RIOX2: variants seen among roughly 807,000 people sequenced by gnomAD.
RIOX2 encodes the protein ribosomal oxygenase 2, also known as 60S ribosomal protein L27a histidine hydroxylase.
In RIOX2, 43 loss-of-function variants were observed where a neutral mutation model predicts 51.2. The ratio of observed to expected loss-of-function variants is 0.84; its 90% CI spans 0.66 to 1.08. The LOEUF is 1.08. Among genes scored for constraint, RIOX2 ranks in the 50% least tolerant of loss-of-function variants. The pLI is 0.00. For missense variants in RIOX2, 566 were observed against 561.7 expected (o/e 1.01, Z -0.08); for synonymous variants, 226 against 218.5 (o/e 1.03, Z -0.30).
At position 97,959,131 on chromosome 3, in the gene RIOX2, G is replaced by A; in HGVS notation, c.601C>T (p.Pro201Ser). The A allele has an allele frequency of 1.9e-6, 3 of 1,614,012 alleles. No homozygotes were observed. Among genetic ancestry groups the A allele is most frequent in the South Asian group, 1.1e-5 (1 of 91,042 alleles). Residue 201 changes from proline to serine, a missense_variant, in exon 4 of 10, where the codon CCC becomes TCC. Coordinates refer to ENST00000394198, the MANE Select transcript of RIOX2 (RefSeq NM_153182.4). The part of the protein sequence containing the change: ...EGEKHWRLYH[P>S]TVPLAREYSV... Reference sequence around the variant, plus strand: ...TACTCTCGTGCCAGGGGCACAGTGGGGTGGTAGAGGCGCCAGTGTTTCTCT... The same window carrying A: ...TACTCTCGTGCCAGGGGCACAGTGGAGTGGTAGAGGCGCCAGTGTTTCTCT...
intron 4 of RIOX2, among the ~76,000 whole-genome samples, chr3:97,957,064 T>C (rs959530675): frequency 6.6e-6 from 1 of 152,070 alleles, no homozygotes; most frequent in Non-Finnish European, 1.5e-5. Context: ...GCCACTAGCA[T>C]AGGGGAAAGA....
chr3:97,953,247 T>C (rs1301000110), intron 5 of RIOX2, among the ~76,000 whole-genome samples: 1 of 152,212 alleles, frequency 6.6e-6, no homozygotes, highest in East Asian at 1.9e-4. Flanking sequence ...ATAGAATTTA[T>C]CACACCATCT....
At position 97,942,347 on chromosome 3, in the gene RIOX2, T is replaced by C; in HGVS notation, c.*2837A>G. On this transcript the variant is annotated 3_prime_UTR_variant, in exon 10 of 10. Transcript: ENST00000394198. ...CACACCTGGAGCTAAAGTAGCTCTATGGACTGAACATGGGCAATTCAGGCA... is the reference window on the plus strand; with the variant it reads ...CACACCTGGAGCTAAAGTAGCTCTACGGACTGAACATGGGCAATTCAGGCA... The C allele has an allele frequency of 6.2e-7, 1 of 1,611,988 alleles. No individual in the cohort carries two copies. Among genetic ancestry groups the C allele is most frequent in the South Asian group, 1.1e-5 (1 of 90,920 alleles).
chr3:97,945,221 A>T lies in RIOX2; in HGVS notation c.1361T>A (p.Leu454Ter). 1 of 1,612,468 alleles carries T rather than the reference A, an allele frequency of 6.2e-7. No homozygotes were observed. Among genetic ancestry groups the T allele is most frequent in the Non-Finnish European group, 8.5e-7 (1 of 1,178,876 alleles). The change falls in exon 10 of 10, where the codon TTA (leucine) becomes TAA (stop). Residue 454 changes from leucine (L) to a stop codon, truncating the protein, a stop_gained. Transcript: ENST00000394198. LOFTEE classifies it high-confidence loss of function. ...AATTAAACATTCTGTCCAGAGGGAT[A>T]ATACCAGGCTTTCCTTTTCCTCATC... ...TTDEEKESLV[L>*]SLWTECLIQV...
chr3:97,945,634 G>A (rs2040336851), intron 9 of RIOX2, 164 bp downstream of exon 9: 1 of 634,082 alleles, frequency 1.6e-6, no homozygotes, highest in African/African-American at 1.8e-5. Flanking sequence ...TCACAGAAAT[G>A]TCTGACTTAA....
In RIOX2 at chr3:97,972,408, G is replaced by C. The variant is rs1282047696; in HGVS notation, c.-67C>G. The C allele has an allele frequency of 4.6e-5, 7 of 150,978 alleles. No homozygotes were observed. The highest frequency in any genetic ancestry group is 1.7e-4 in the African/African-American group (7 of 41,216). 9.4% of individuals were successfully genotyped at this position (150,978 alleles called of 1,614,324 possible). On this transcript the variant is annotated 5_prime_UTR_variant, in exon 1 of 10. Coordinates refer to ENST00000394198, the MANE Select transcript of RIOX2 (RefSeq NM_153182.4). Reference sequence around the variant, plus strand: ...GGCACGGCCTGTTGCTCGCGGCCGCGAGCCCACTGCGTTGCGGCGCAGCGG... The same window carrying C: ...GGCACGGCCTGTTGCTCGCGGCCGCCAGCCCACTGCGTTGCGGCGCAGCGG...
Position 97,943,363 on chromosome 3 carries a change from C to G in RIOX2, c.*1821G>C, listed in dbSNP as rs571150352. ...TCCCTAGAAAGAGCAAAGAAGGAAACACATCTGTCATTGTCTTGTGGACGT... is the reference window on the plus strand; with the variant it reads ...TCCCTAGAAAGAGCAAAGAAGGAAAGACATCTGTCATTGTCTTGTGGACGT... On this transcript the variant is annotated 3_prime_UTR_variant, in exon 10 of 10. Transcript: ENST00000394198. 9.5e-7 allele frequency: 1 copy of G among 1,047,218 alleles called. No homozygotes were observed. Among genetic ancestry groups the G allele is most frequent in the African/African-American group, 1.6e-5 (1 of 63,078 alleles). 64.9% of individuals were successfully genotyped at this position (1,047,218 alleles called of 1,614,324 possible).
At chr3:97,951,108 G>A in intron 5 of RIOX2, 1 of 470,126 alleles carries the variant, frequency 2.1e-6, no homozygotes. Flanking sequence ...ACACTCACTT[G>A]CAAAGTTAAA....
Position 97,967,340 on chromosome 3 carries a change from T to A in RIOX2, c.254A>T (p.Asp85Val), listed in dbSNP as rs1466789779. ...CCCCCGGCTGCACAGACTCTTCAGA[T>A]CTGTTAGCTTGAACAGGGACCCATA... ...TYYGSLFKLT[D>V]LKSLCSRGMY... Residue 85 changes from aspartate (D) to valine (V), a missense_variant, in exon 2 of 10, where the codon GAT (aspartate) becomes GTT (valine). Asp to Val is a radical substitution (Grantham distance 152). Transcript: ENST00000394198. 1 of 1,614,072 alleles carries A rather than the reference T, an allele frequency of 6.2e-7. No individual in the cohort carries two copies. The highest frequency in any genetic ancestry group is 1.3e-5 in the African/African-American group (1 of 74,918).
chr3:97,945,372 T>C, intron 9 of RIOX2, 30 bp from the exon 10 acceptor site: 8 of 1,584,386 alleles, frequency 5.0e-6, no homozygotes, highest in Non-Finnish European at 6.9e-6. Flanking sequence ...TGTCAAAATA[T>C]ATGTATACTA....
At position 97,942,152 on chromosome 3, in the gene RIOX2, TATAGTATTTTTTTAG is replaced by T; in HGVS notation, c.*3017_*3031del. 1.5e-6 allele frequency: 1 copy of T among 664,898 alleles called. No individual in the cohort carries two copies. Among genetic ancestry groups the T allele is most frequent in the Non-Finnish European group, 2.4e-6 (1 of 424,880 alleles). The allele number at this position is 664,898 out of a possible 1,614,324, so 41.2% of individuals were successfully genotyped here. On this transcript the variant is annotated 3_prime_UTR_variant, in exon 10 of 10. Coordinates refer to ENST00000394198, the MANE Select transcript of RIOX2 (RefSeq NM_153182.4). The stretch of plus-strand genomic sequence containing the variant: ...AAAAAGGCTTACTGAAATTATACTA[TATAGTATTTTTTTAG>T]ATAAGACACACACACACTTCATGTC...
Position 97,961,692 on chromosome 3 carries a change from A to G in RIOX2, c.449T>C (p.Ile150Thr), listed in dbSNP as rs377296377. 24 of 1,610,550 alleles carry G rather than the reference A, an allele frequency of 1.5e-5. No homozygotes were observed. Among genetic ancestry groups the G allele is most frequent in the Non-Finnish European group, 2.0e-5 (23 of 1,179,052 alleles). ...PQRFKDELWR[I>T]QEKLECYFGS... ...AAAGTAACATTCCAGCTTCTCCTGG[A>G]TCCTCCAAAGCTCATCCTTTACAAA... The change falls in exon 3 of 10, where the codon ATC (isoleucine) becomes ACC (threonine). Residue 150 changes from isoleucine (I) to threonine (T), a missense_variant. Ile to Thr is a moderately conservative substitution (Grantham distance 89). Transcript: ENST00000394198.
At chr3:97,969,768 T>C (rs1347998213) in intron 1 of RIOX2, among the ~76,000 whole-genome samples, 1 of 152,222 alleles carries the variant, frequency 6.6e-6, no homozygotes, top group Admixed American at 6.5e-5. Context: ...ACAGCCAGTG[T>C]GACCGCTCGA....
intron 1 of RIOX2, among the ~76,000 whole-genome samples, chr3:97,971,368 C>G (rs753389205): frequency 1.3e-5 from 2 of 152,140 alleles, no homozygotes; most frequent in African/African-American, 4.8e-5. Flanking sequence ...AATTTTAGGT[C>G]CACTAATGGA....
chr3:97,968,327 T>A (rs951569535), intron 1 of RIOX2, among the ~76,000 whole-genome samples: 35 of 152,172 alleles, frequency 2.3e-4, no homozygotes, highest in African/African-American at 8.0e-4. Flanking sequence ...GGCTGAAAAG[T>A]GAAGGCTAAA....
intron 1 of RIOX2, chr3:97,971,686 G>C (rs1202134571): frequency 6.6e-6 from 1 of 152,150 alleles, no homozygotes; most frequent in Non-Finnish European, 1.5e-5. Context: ...AGGTTCCTCT[G>C]CTCAAAGATG....
intron 4 of RIOX2, among the ~76,000 whole-genome samples, chr3:97,954,925 T>C (rs150402110): frequency 1.3e-5 from 2 of 152,216 alleles, no homozygotes; most frequent in Non-Finnish European, 2.9e-5. Context: ...TCTGGCAATT[T>C]ACCTGCCCAA....
At position 97,954,439 on chromosome 3, in the gene RIOX2, C is replaced by G; in HGVS notation, c.738G>C (p.Ala246=). ...RGTIHQADTP[A]GLAHSTHVTI... ...TCACGTGAGTAGAGTGGGCCAGCCC[C>G]GCAGGAGTGTCCGCTTGATGAATGG... Residue 246 remains alanine, a synonymous_variant, in exon 5 of 10, where the codon GCG becomes GCC. Coordinates refer to ENST00000394198, the MANE Select transcript of RIOX2 (RefSeq NM_153182.4). 1.2e-6 allele frequency: 2 copies of G among 1,614,080 alleles called. No individual in the cohort carries two copies. The highest frequency in any genetic ancestry group is 2.2e-5 in the South Asian group (2 of 91,076).
rs565994878 is a variant in RIOX2 at position 97,960,882 on chromosome 3, G to C, written c.552+707C>G. ...GGGCCTGGGGAGATAGGAAAACTTC[G>C]AGTTTTTTATTCTTTATTCAGTCAA... On this transcript the variant is annotated intron_variant, in intron 3 of 9. Transcript: ENST00000394198. Among the ~76,000 whole-genome samples, 8 of 152,140 alleles carry C rather than the reference G, an allele frequency of 5.3e-5. No individual in the cohort carries two copies. The South Asian group carries it at 1.7e-3, about 32-fold the overall frequency.
Sources: allele counts gnomAD v4.1 joint callset (sites outside exome capture counted in the v4.1 genomes callset), GRCh38; gene constraint gnomAD v4.1.1; transcripts MANE v1.5; gene names NCBI Gene and HGNC (gene_info 2026-07-23, HGNC 2026-07-21).